Variants in FAM234A observed in about 807,000 individuals in gnomAD.
FAM234A encodes family with sequence similarity 234 member A.
FAM234A carries 42 observed loss-of-function variants against 49.1 expected under a neutral mutation model. The observed-to-expected ratio is 0.86, with a 90% CI of 0.67 to 1.11. The LOEUF (loss-of-function observed/expected upper bound fraction) is 1.11. Among genes scored for constraint, FAM234A ranks in the 50% least tolerant of loss-of-function variants. FAM234A has a pLI of 0.00. For synonymous variants in FAM234A, 369 were observed against 316.2 expected (o/e 1.17, Z -1.77); for missense variants, 815 against 745.2 (o/e 1.09, Z -1.09).
At chr16:267,642 G>A (rs373767250), downstream of FAM234A, among the ~76,000 whole-genome samples, 8 of 67,200 alleles carry the variant, frequency 1.2e-4, no homozygotes, top group African/African-American at 1.1e-3. Flanking sequence ...TGCCTCATAC[G>A]ACACGTGCAC....
intron 3 of FAM234A, among the ~76,000 whole-genome samples, chr16:255,621 C>T (rs1344140524): frequency 6.6e-6 from 1 of 152,210 alleles, no homozygotes; most frequent in Non-Finnish European, 1.5e-5. Flanking sequence ...CCTGTTCCCT[C>T]CTCTCCTAGC....
chr16:265,647 C>G lies in FAM234A; in HGVS notation c.*625C>G, dbSNP rs1376272974. 2.0e-6 allele frequency: 2 copies of G among 985,380 alleles called. No individual in the cohort carries two copies. Among genetic ancestry groups the G allele is most frequent in the African/African-American group, 1.7e-5 (1 of 57,206 alleles). The allele number at this position is 985,380 out of a possible 1,614,324, so 61.0% of individuals were successfully genotyped here. On this transcript the variant is annotated 3_prime_UTR_variant, in exon 13 of 13. Coordinates refer to ENST00000399932, the MANE Select transcript of FAM234A (RefSeq NM_032039.4). ...CCTTTGACCAGGTCCTGTGAGGAAG[C>G]CTGGAGCAAGGGTCTCCCCCAGCAG...
Position 259,951 on chromosome 16 carries a change from C to T in FAM234A, c.386-18C>T, listed in dbSNP as rs78641696. 0.031 allele frequency: 49,806 copies of T among 1,607,236 alleles called. 1,500 individuals carry two copies. Among genetic ancestry groups the T allele is most frequent in the East Asian group, 0.16 (7,159 of 44,788 alleles). Reference sequence around the variant, plus strand: ...CCCAGATGGTGCAACAGTGAGGTGCCGGTGTCTCTCCCTACAGGCTTTTCC... The same window carrying T: ...CCCAGATGGTGCAACAGTGAGGTGCTGGTGTCTCTCCCTACAGGCTTTTCC... On this transcript the variant is annotated intron_variant, in intron 4 of 12. Transcript: ENST00000399932.
At chr16:263,926 G>A in intron 10 of FAM234A, 90 bp from the exon 11 acceptor site, 1 of 1,477,416 alleles carries the variant, frequency 6.8e-7, no homozygotes, top group Admixed American at 1.7e-5. Flanking sequence ...TCCAGGGCTG[G>A]CATGGCTGAG....
rs1245671437 is a variant in FAM234A at position 265,035 on chromosome 16, C to G, written c.*13C>G. ...GAGTGAGGCGTAGAGGCACGCCAGC[C>G]AGAGCCTGTGGAGAGACTCCGCCTG... is the stretch of plus-strand genomic sequence containing the variant. On this transcript the variant is annotated 3_prime_UTR_variant, in exon 13 of 13. Coordinates refer to ENST00000399932, the MANE Select transcript of FAM234A (RefSeq NM_032039.4). The G allele has an allele frequency of 1.3e-6, 2 of 1,588,722 alleles. No homozygotes were observed. Among genetic ancestry groups the G allele is most frequent in the Non-Finnish European group, 1.7e-6 (2 of 1,164,724 alleles).
chr16:254,298 G>A (rs2051138927), intron 2 of FAM234A, 83 bp from the exon 3 acceptor site: 1 of 1,159,518 alleles, frequency 8.6e-7, no homozygotes, highest in African/African-American at 1.5e-5. Context: ...TCCCCAAGAA[G>A]CCGACGCCAG....
rs376192874 is a variant in FAM234A, at chr16:264,802, A to T, written c.1448-9A>T. On this transcript the variant is annotated splice_polypyrimidine_tract_variant and intron_variant, in intron 12 of 12. Transcript: ENST00000399932. The stretch of plus-strand genomic sequence containing the variant: ...AGCCGCCCTGACAGCTGTGTCCCCC[A>T]CCCTGCAGCCGTCCTGTTTGAGCCA... 6.2e-6 allele frequency: 10 copies of T among 1,606,394 alleles called. No individual in the cohort carries two copies. The African/African-American group carries it at 1.3e-4, about 22-fold the overall frequency.
intron 2 of FAM234A, among the ~76,000 whole-genome samples, chr16:251,298 T>G (rs1292167256): frequency 1.3e-5 from 2 of 152,326 alleles, no homozygotes; most frequent in Admixed American, 6.5e-5. Context: ...GTTTCTACAT[T>G]TTGGCTGTTG....
chr16:259,573 A>G lies in FAM234A; in HGVS notation c.359A>G (p.Asn120Ser). The change falls in exon 4 of 13, where the codon AAT (asparagine) becomes AGT (serine). Residue 120 changes from asparagine to serine, a missense_variant. By Grantham distance (46) the Asn-to-Ser change is conservative. Coordinates refer to ENST00000399932, the MANE Select transcript of FAM234A (RefSeq NM_032039.4). ...TATAAAAACACCAACAGCAGCAACA[A>G]TTTCAGCCGATCCTGTGTGGACGAA... is the stretch of plus-strand genomic sequence containing the variant. The part of the protein sequence containing the change: ...FLYKNTNSSN[N>S]FSRSCVDEGF... 6.2e-7 allele frequency: 1 copy of G among 1,608,820 alleles called. No individual in the cohort carries two copies. Among genetic ancestry groups the G allele is most frequent in the African/African-American group, 1.3e-5 (1 of 74,938 alleles).
Position 261,387 on chromosome 16 carries a change from A to G in FAM234A, c.581A>G (p.Glu194Gly). 6.2e-7 allele frequency: 1 copy of G among 1,611,348 alleles called. No individual in the cohort carries two copies. The highest frequency in any genetic ancestry group is 8.5e-7 in the Non-Finnish European group (1 of 1,177,972). ...SFIAVNLFTGETLWNHSSSFS... is the reference protein window; with the variant it reads ...SFIAVNLFTGGTLWNHSSSFS... ...GTGACCGTGTGCTTGATTCTAGGGG[A>G]AACCCTGTGGAACCACAGCAGCAGC... Residue 194 changes from glutamate to glycine, a missense_variant, in exon 6 of 13, where the codon GAA becomes GGA. By Grantham distance (98) the Glu-to-Gly change is moderately conservative. Coordinates refer to ENST00000399932, the MANE Select transcript of FAM234A (RefSeq NM_032039.4).
intron 2 of FAM234A, among the ~76,000 whole-genome samples, chr16:253,412 T>G (rs1299309054): frequency 6.6e-6 from 1 of 152,192 alleles, no homozygotes; most frequent in African/African-American, 2.4e-5. Flanking sequence ...ATTTTATTAA[T>G]AATAATTAGG....
chr16:261,884 G>A (rs909603862), intron 6 of FAM234A, among the ~76,000 whole-genome samples: 1 of 152,182 alleles, frequency 6.6e-6, no homozygotes, highest in East Asian at 1.9e-4. Flanking sequence ...TGATGTCAGC[G>A]TGTCTTTCCT....
At chr16:247,849 A>G (rs2050869240) in intron 1 of FAM234A, among the ~76,000 whole-genome samples, 1 of 152,080 alleles carries the variant, frequency 6.6e-6, no homozygotes, top group Non-Finnish European at 1.5e-5. Context: ...TTGTCAGTTA[A>G]AATGATGATC....
intron 1 of FAM234A, among the ~76,000 whole-genome samples, chr16:246,050 A>G (rs1033206602): frequency 6.6e-6 from 1 of 151,548 alleles, no homozygotes; most frequent in African/African-American, 2.4e-5. Context: ...TAAAAATACA[A>G]AAATTAGCTG....
In FAM234A at chr16:262,088, T is replaced by C; in HGVS notation, c.709-5T>C. 1 of 1,613,706 alleles carries C rather than the reference T, an allele frequency of 6.2e-7. No homozygotes were observed. The highest frequency in any genetic ancestry group is 1.3e-5 in the African/African-American group (1 of 75,046). The stretch of plus-strand genomic sequence containing the variant: ...CTCTTCCTGTGTCATCCTGTGTCAT[T>C]GCAGGTTAGTGGCCACCTCTACTCC... On this transcript the variant is annotated splice_region_variant and splice_polypyrimidine_tract_variant and intron_variant, in intron 6 of 12. Coordinates refer to ENST00000399932, the MANE Select transcript of FAM234A (RefSeq NM_032039.4).
At chr16:240,091 T>C (rs1372868862) in intron 1 of FAM234A, 1 of 152,192 alleles carries the variant, frequency 6.6e-6, no homozygotes, top group Non-Finnish European at 1.5e-5. Context: ...CTGAAGCTCA[T>C]GTTGAATTGC....
Position 265,052 on chromosome 16 carries a change from C to G in FAM234A, c.*30C>G. Reference sequence around the variant, plus strand: ...ACGCCAGCCAGAGCCTGTGGAGAGACTCCGCCTGCTGACACTAAACGTCCT... The same window carrying G: ...ACGCCAGCCAGAGCCTGTGGAGAGAGTCCGCCTGCTGACACTAAACGTCCT... On this transcript the variant is annotated 3_prime_UTR_variant, in exon 13 of 13. Transcript: ENST00000399932. 6.4e-7 allele frequency: 1 copy of G among 1,566,508 alleles called. No individual in the cohort carries two copies. The highest frequency in any genetic ancestry group is 1.2e-5 in the South Asian group (1 of 85,710).
In FAM234A at chr16:246,417, C is replaced by CTTTTT. The variant is rs1183467460; in HGVS notation, c.-139-3114_-139-3110dup. 3.6e-4 allele frequency among the ~76,000 whole-genome samples: 24 copies of CTTTTT among 67,302 alleles called. 2 individuals are homozygous for CTTTTT. Among genetic ancestry groups the CTTTTT allele is most frequent in the African/African-American group, 7.8e-4 (11 of 14,030 alleles). The allele number at this position is 67,302 out of a possible 152,430, so 44.2% of individuals were successfully genotyped here. Reference sequence around the variant, plus strand: ...CCTCAGCCTCCTGAGTAGGTGGTGGCTTTTTTTTTTTTTTTTTTTTTTGAG... The same window carrying CTTTTT: ...CCTCAGCCTCCTGAGTAGGTGGTGGCTTTTTTTTTTTTTTTTTTTTTTTTTTTGAG... On this transcript the variant is annotated intron_variant, in intron 1 of 12. Coordinates refer to ENST00000399932, the MANE Select transcript of FAM234A (RefSeq NM_032039.4).
intron 8 of FAM234A, among the ~76,000 whole-genome samples, chr16:262,779 A>C (rs1472007988): frequency 6.6e-6 from 1 of 151,406 alleles, no homozygotes; most frequent in East Asian, 1.9e-4. Context: ...GTCTCCACGG[A>C]AAGTGGGGGT....
Sources: gnomAD v4.1 joint callset for allele counts (sites outside exome capture counted in the v4.1 genomes callset) on GRCh38, gnomAD v4.1.1 for gene constraint, MANE v1.5 for transcripts, NCBI Gene and HGNC (gene_info 2026-07-23, HGNC 2026-07-21) for gene names.